Variants in SAMD5 observed in about 807,000 individuals in gnomAD.
The protein encoded by SAMD5 is sterile alpha motif domain containing 5, also known as sterile alpha motif domain-containing protein 5.
A neutral mutation model predicts 11.3 loss-of-function variants in SAMD5; 13 were observed. The ratio of observed to expected loss-of-function variants is 1.15; its 90% CI spans 0.75 to 1.83. The LOEUF (loss-of-function observed/expected upper bound fraction) is 1.83, where lower values mean the gene tolerates loss of function less well. Ranked by LOEUF, SAMD5 falls within the 40% of genes most tolerant of loss-of-function variation. The probability of loss-of-function intolerance (pLI) is 0.00; values close to 1 mark genes in which losing one functional copy is unlikely to be tolerated. For missense variants in SAMD5, 255 were observed against 239.1 expected (o/e 1.07, Z -0.44); for synonymous variants, 129 against 111.3 (o/e 1.16, Z -1.00).
At chr6:147,560,401 C>T (rs1173553924) in intron 1 of SAMD5, among the ~76,000 whole-genome samples, 1 of 152,218 alleles carries the variant, frequency 6.6e-6, no homozygotes, top group African/African-American at 2.4e-5. Context: ...AACACTCCTA[C>T]TGTCATCAAT....
chr6:147,696,329 A>T (rs1791175563), intron 1 of SAMD5, among the ~76,000 whole-genome samples: 1 of 149,984 alleles, frequency 6.7e-6, no homozygotes, highest in Admixed American at 6.6e-5. Flanking sequence ...TTAATGTCTG[A>T]TGATGGCTTA....
At chr6:147,704,056 C>T (rs191166775) in intron 1 of SAMD5, among the ~76,000 whole-genome samples, 18 of 152,084 alleles carry the variant, frequency 1.2e-4, no homozygotes, top group African/African-American at 3.4e-4. Flanking sequence ...CCACCATGCC[C>T]GGCTAATTTT....
chr6:147,673,085 A>G (rs558908676), intron 1 of SAMD5, among the ~76,000 whole-genome samples: 101 of 152,292 alleles, frequency 6.6e-4, no homozygotes, highest in African/African-American at 2.1e-3. Context: ...AGTAATAATA[A>G]TACTGATTTT....
chr6:147,789,106 A>C, the SAMD5 span, among the ~76,000 whole-genome samples: 8 of 151,086 alleles, frequency 5.3e-5, no homozygotes, highest in African/African-American at 2.0e-4. Context: ...CAAACAAAAA[A>C]AAAAACACCA....
At chr6:147,715,658 C>G (rs1251689025) in intron 1 of SAMD5, among the ~76,000 whole-genome samples, 3 of 152,168 alleles carry the variant, frequency 2.0e-5, no homozygotes, top group African/African-American at 7.2e-5. Context: ...TGGCAGGTCC[C>G]AAGTTCTCGT....
chr6:147,678,779 C>T (rs529212368), intron 1 of SAMD5, among the ~76,000 whole-genome samples: 1 of 152,172 alleles, frequency 6.6e-6, no homozygotes, highest in South Asian at 2.1e-4. Flanking sequence ...CATAAGTGAG[C>T]TCTCTTTTTT....
chr6:147,703,777 A>G (rs919705894), intron 1 of SAMD5, among the ~76,000 whole-genome samples: 1 of 152,200 alleles, frequency 6.6e-6, no homozygotes, highest in African/African-American at 2.4e-5. Context: ...ATGAGGTTGA[A>G]GTAGGAAGCA....
intron 1 of SAMD5, among the ~76,000 whole-genome samples, chr6:147,559,329 C>A (rs954371909): frequency 2.6e-5 from 4 of 152,182 alleles, no homozygotes; most frequent in Non-Finnish European, 5.9e-5. Context: ...ATTATAAAAT[C>A]GGTTAATGCC....
intron 1 of SAMD5, among the ~76,000 whole-genome samples, chr6:147,637,673 C>G (rs950565127): frequency 6.6e-6 from 1 of 152,182 alleles, no homozygotes; most frequent in Non-Finnish European, 1.5e-5. Context: ...CTCAGGAACA[C>G]ATTTTAGCTT....
At chr6:147,545,557 A>T (rs550981502) in intron 1 of SAMD5, among the ~76,000 whole-genome samples, 1 of 152,092 alleles carries the variant, frequency 6.6e-6, no homozygotes, top group South Asian at 2.1e-4. Flanking sequence ...TTTTTGCCTG[A>T]TTTGGGGGCA....
chr6:147,942,803 T>G, the SAMD5 span, among the ~76,000 whole-genome samples: 1 of 151,302 alleles, frequency 6.6e-6, no homozygotes, highest in African/African-American at 2.4e-5. Flanking sequence ...TATGTAATGC[T>G]TATATTGTTC....
intron 1 of SAMD5, among the ~76,000 whole-genome samples, chr6:147,581,331 G>A (rs12191000): frequency 0.63 from 96,375 of 152,034 alleles, 30,709 homozygotes; most frequent in South Asian, 0.75. Context: ...GTCCTTGGAA[G>A]TTACCTATAT....
At chr6:147,790,754 CTTTCTCTCTCTCTCTT>C in the SAMD5 span, among the ~76,000 whole-genome samples, 7 of 70,382 alleles carry the variant, frequency 9.9e-5, 1 homozygote, top group African/African-American at 5.4e-4. Context: ...CTCTCTCTCT[CTTTCTCTCTCTCTCTT>C]TCTCTCTCTC....
At chr6:147,758,397 A>AT in the SAMD5 span, among the ~76,000 whole-genome samples, 1 of 152,244 alleles carries the variant, frequency 6.6e-6, no homozygotes. Flanking sequence ...GTCATAAATC[A>AT]TAATGGCACA....
chr6:147,940,983 T>G, the SAMD5 span, among the ~76,000 whole-genome samples: 1 of 152,186 alleles, frequency 6.6e-6, no homozygotes, highest in South Asian at 2.1e-4. Flanking sequence ...GATGTATGGT[T>G]AATTCAATTA....
the SAMD5 span, among the ~76,000 whole-genome samples, chr6:147,745,904 G>A: frequency 6.6e-6 from 1 of 151,896 alleles, no homozygotes. Context: ...ACCACGCCTG[G>A]CTAATTTTGG....
At chr6:147,777,822 T>A in the SAMD5 span, among the ~76,000 whole-genome samples, 4 of 152,236 alleles carry the variant, frequency 2.6e-5, no homozygotes, top group Non-Finnish European at 5.9e-5. Context: ...AGATTCACCA[T>A]GTTGTAGCAT....
intron 1 of SAMD5, among the ~76,000 whole-genome samples, chr6:147,653,036 T>A (rs11155518): frequency 0.067 from 10,181 of 152,186 alleles, 481 homozygotes; most frequent in Non-Finnish European, 0.11. Context: ...CTCTACCATA[T>A]TCCTTCCTGA....
chr6:147,647,468 G>A (rs1276292914), intron 1 of SAMD5, among the ~76,000 whole-genome samples: 4 of 152,112 alleles, frequency 2.6e-5, no homozygotes, highest in Non-Finnish European at 5.9e-5. Flanking sequence ...TGGATGGGTT[G>A]AGTCCGAGTT....
Sources: gnomAD v4.1 joint callset for allele counts (sites outside exome capture counted in the v4.1 genomes callset) on GRCh38, gnomAD v4.1.1 for gene constraint, MANE v1.5 for transcripts, NCBI Gene and HGNC (gene_info 2026-07-23, HGNC 2026-07-21) for gene names.